Variants in NANS observed in about 807,000 individuals in gnomAD.
NANS encodes the protein N-acetylneuraminate synthase.
A neutral mutation model predicts 33.3 loss-of-function variants in NANS; 29 were observed. The observed-to-expected ratio is 0.87, with a 90% CI of 0.65 to 1.19. NANS has a LOEUF of 1.19. NANS is among the 50% of genes most tolerant of loss of function. The probability of loss-of-function intolerance (pLI) is 0.00; values close to 1 mark genes in which losing one functional copy is unlikely to be tolerated. For missense variants in NANS, 394 were observed against 461.1 expected (o/e 0.85, Z 1.33); for synonymous variants, 163 against 177.2 (o/e 0.92, Z 0.64).
intron 5 of NANS, chr9:98,081,402 G>T (rs1378838161): frequency 3.4e-6 from 1 of 290,970 alleles, no homozygotes; most frequent in Non-Finnish European, 6.5e-6. Flanking sequence ...ACAGGAGTGA[G>T]GCCCTGGAAT....
Position 98,081,084 on chromosome 9 carries a change from T to G in NANS, c.870+2T>G. The G allele has an allele frequency of 1.9e-6, 3 of 1,614,030 alleles. No homozygotes were observed. Among genetic ancestry groups the G allele is most frequent in the Non-Finnish European group, 2.5e-6 (3 of 1,179,988 alleles). ...TGTGAGATGGCCTGCAATGAGAAGG[T>G]GTGTCCTGCCGGACTCTACTCGGTT... On this transcript the variant is annotated splice_donor_variant, in intron 5 of 5. Coordinates refer to ENST00000210444, the MANE Select transcript of NANS (RefSeq NM_018946.4). LOFTEE classifies it high-confidence loss of function.
intron 4 of NANS, among the ~76,000 whole-genome samples, chr9:98,079,926 A>G (rs1829777118): frequency 6.6e-6 from 1 of 152,082 alleles, no homozygotes; most frequent in Admixed American, 6.6e-5. Context: ...GTTAAATCCC[A>G]CCTGAGGCCA....
intron 1 of NANS, among the ~76,000 whole-genome samples, chr9:98,059,996 T>G (rs921036687): frequency 1.3e-5 from 2 of 152,198 alleles, no homozygotes; most frequent in Non-Finnish European, 2.9e-5. Context: ...TTACACATCC[T>G]GGAGGTAGCC....
rs372028653 is a variant in NANS, at chr9:98,079,366, C to A, written c.603+1019C>A. Among the ~76,000 whole-genome samples the A allele has an allele frequency of 7.2e-5, 11 of 152,288 alleles. No individual in the cohort carries two copies. In the South Asian group the frequency reaches 2.3e-3, roughly 32 times the overall value. ...TCTATCTATCCACACATACTAGAATCCTGATATTGCAGTTGTTTTCCTTTT... is the reference window on the plus strand; with the variant it reads ...TCTATCTATCCACACATACTAGAATACTGATATTGCAGTTGTTTTCCTTTT... On this transcript the variant is annotated intron_variant, in intron 4 of 5. Transcript: ENST00000210444.
intron 4 of NANS, among the ~76,000 whole-genome samples, chr9:98,079,296 T>C (rs548534053): frequency 1.1e-3 from 169 of 152,340 alleles, no homozygotes; most frequent in Non-Finnish European, 2.2e-3. Flanking sequence ...AAAATATGTA[T>C]GTAATTATCA....
Position 98,082,857 on chromosome 9 carries a change from T to C in NANS, c.882T>C (p.Ser294=), listed in dbSNP as rs1209606204. The stretch of plus-strand genomic sequence containing the variant: ...CATTTTGTCCACAGCTGGGCAAGTC[T>C]GTGGTGGCCAAAGTGAAAATTCCGG... ...EMACNEKLGK[S]VVAKVKIPEG... is the part of the protein sequence containing the mutation. The change falls in exon 6 of 6, where the codon TCT becomes TCC. Residue 294 remains serine, a synonymous_variant. Transcript: ENST00000210444. 11 of 1,614,046 alleles carry C rather than the reference T, an allele frequency of 6.8e-6. No individual in the cohort carries two copies. The highest frequency in any genetic ancestry group is 9.3e-6 in the Non-Finnish European group (11 of 1,180,020).
chr9:98,075,438 GAGGAAGGAA>G (rs1829544532), intron 2 of NANS: 1 of 147,800 alleles, frequency 6.8e-6, no homozygotes, highest in Non-Finnish European at 1.5e-5. Flanking sequence ...GAAGGAAAGG[GAGGAAGGAA>G]AGGGAGGAAA....
chr9:98,068,217 C>T (rs770463689), intron 2 of NANS, among the ~76,000 whole-genome samples: 7 of 152,302 alleles, frequency 4.6e-5, no homozygotes, highest in Non-Finnish European at 1.0e-4. Context: ...TCACTACAAC[C>T]TCCAACTCCC....
intron 2 of NANS, among the ~76,000 whole-genome samples, chr9:98,064,774 C>T (rs1829086641): frequency 1.3e-5 from 2 of 152,160 alleles, no homozygotes; most frequent in African/African-American, 4.8e-5. Context: ...GCTGCTGCTG[C>T]CTGGCTGGCA....
intron 2 of NANS, among the ~76,000 whole-genome samples, chr9:98,073,512 T>C (rs1414152334): frequency 6.6e-6 from 1 of 151,514 alleles, no homozygotes; most frequent in Non-Finnish European, 1.5e-5. Flanking sequence ...GTCAAACTCC[T>C]GACCTCGTGA....
Position 98,081,089 on chromosome 9 carries a change from C to G in NANS, c.870+7C>G, listed in dbSNP as rs7030291. ...GATGGCCTGCAATGAGAAGGTGTGT[C>G]CTGCCGGACTCTACTCGGTTCTGCT... On this transcript the variant is annotated splice_region_variant and intron_variant, in intron 5 of 5. Transcript: ENST00000210444. 4,346 of 1,613,992 alleles carry G rather than the reference C, an allele frequency of 2.7e-3. 112 individuals carry two copies. In the African/African-American group the frequency reaches 0.052, roughly 19 times the overall value.
At chr9:98,079,143 G>T (rs2117988098) in intron 4 of NANS, among the ~76,000 whole-genome samples, 1 of 152,254 alleles carries the variant, frequency 6.6e-6, no homozygotes, top group Admixed American at 6.5e-5. Flanking sequence ...CCAGTCCCAA[G>T]TCGGGAAGCC....
At chr9:98,072,389 G>A (rs1482683329) in intron 2 of NANS, among the ~76,000 whole-genome samples, 4 of 152,024 alleles carry the variant, frequency 2.6e-5, no homozygotes, top group African/African-American at 9.7e-5. Flanking sequence ...CCTGACCTAG[G>A]GCACAGGCAG....
At position 98,056,946 on chromosome 9, in the gene NANS, G is replaced by C; in HGVS notation, c.132+6G>C. ...GCATGATCCGCATGGCCAAGGTGAGGCGGCAGCTCCCGGGACCCGGGATTC... is the reference window on the plus strand; with the variant it reads ...GCATGATCCGCATGGCCAAGGTGAGCCGGCAGCTCCCGGGACCCGGGATTC... On this transcript the variant is annotated splice_donor_region_variant and intron_variant, in intron 1 of 5. Coordinates refer to ENST00000210444, the MANE Select transcript of NANS (RefSeq NM_018946.4). The C allele has an allele frequency of 6.3e-7, 1 of 1,579,312 alleles. No homozygotes were observed. The highest frequency in any genetic ancestry group is 8.6e-7 in the Non-Finnish European group (1 of 1,162,756).
At chr9:98,069,426 A>G (rs1564159370) in intron 2 of NANS, 1 of 152,190 alleles carries the variant, frequency 6.6e-6, no homozygotes, top group Non-Finnish European at 1.5e-5. Flanking sequence ...GGCACATGCC[A>G]TGGTGCCCGG....
intron 2 of NANS, among the ~76,000 whole-genome samples, chr9:98,074,381 C>G (rs1485791433): frequency 6.6e-6 from 1 of 152,136 alleles, no homozygotes; most frequent in Non-Finnish European, 1.5e-5. Flanking sequence ...AACCCGATAG[C>G]ACGGTCGGCA....
intron 4 of NANS, among the ~76,000 whole-genome samples, chr9:98,078,854 AGTCT>A (rs1385724322): frequency 1.3e-5 from 2 of 150,024 alleles, no homozygotes; most frequent in Non-Finnish European, 3.0e-5. Context: ...AAAAAAAAAA[AGTCT>A]GTCTGTCAAC....
chr9:98,062,989 T>C (rs1038246757), intron 2 of NANS, among the ~76,000 whole-genome samples: 1 of 152,046 alleles, frequency 6.6e-6, no homozygotes, highest in East Asian at 1.9e-4. Flanking sequence ...CAGGCTGGAG[T>C]ACAGTGGCGT....
chr9:98,056,906 T>C lies in NANS; in HGVS notation c.98T>C (p.Leu33Pro), dbSNP rs1017453701. The change falls in exon 1 of 6, where the codon CTG (leucine) becomes CCG (proline). Residue 33 changes from leucine (L) to proline (P), a missense_variant. Coordinates refer to ENST00000210444, the MANE Select transcript of NANS (RefSeq NM_018946.4). ...ATCGGCCAGAACCACCAGGGCGACC[T>C]GGACGTAGCCAAGCGCATGATCCGC... Reference protein sequence around the residue: ...AEIGQNHQGDLDVAKRMIRMA... With the variant: ...AEIGQNHQGDPDVAKRMIRMA... 5.6e-6 allele frequency: 9 copies of C among 1,610,360 alleles called. No homozygotes were observed. In the Middle Eastern group the frequency reaches 5.0e-4, roughly 89 times the overall value.
Sources: gnomAD v4.1 joint callset for allele counts (sites outside exome capture counted in the v4.1 genomes callset) on GRCh38, gnomAD v4.1.1 for gene constraint, MANE v1.5 for transcripts, NCBI Gene and HGNC (gene_info 2026-07-23, HGNC 2026-07-21) for gene names.